RMI1: variants seen among roughly 807,000 people sequenced by gnomAD.
RMI1 encodes the protein RecQ mediated genome instability 1.
A neutral mutation model predicts 46.7 loss-of-function variants in RMI1; 36 were observed. The observed-to-expected ratio is 0.77, with a 90% CI of 0.59 to 1.02. RMI1 has a LOEUF of 1.02. Ranked by LOEUF, RMI1 falls within the 50% of genes least tolerant of loss-of-function variation. The pLI, the probability that RMI1 is intolerant of heterozygous loss-of-function variation, is 0.00. For missense variants in RMI1, 676 were observed against 713.7 expected, an observed-to-expected ratio of 0.95 and a Z score of 0.60; for synonymous variants, 250 against 252.9, an observed-to-expected ratio of 0.99 and a Z score of 0.11.
chr9:83,986,929 T>C (rs1230762796), intron 1 of RMI1, among the ~76,000 whole-genome samples: 2 of 152,210 alleles, frequency 1.3e-5, no homozygotes, highest in African/African-American at 4.8e-5. Flanking sequence ...GTCATCACAT[T>C]TTTACAACAC....
chr9:83,988,209 A>G (rs921455067), intron 1 of RMI1, among the ~76,000 whole-genome samples: 2 of 152,200 alleles, frequency 1.3e-5, no homozygotes, highest in Non-Finnish European at 2.9e-5. Context: ...ATGGATGTCA[A>G]AATTATTTAC....
rs1957735587 is a variant in RMI1, at chr9:84,001,467, C to A, written c.481C>A (p.Leu161Ile). The A allele has an allele frequency of 6.2e-7, 1 of 1,614,066 alleles. No individual in the cohort carries two copies. The highest frequency in any genetic ancestry group is 8.5e-7 in the Non-Finnish European group (1 of 1,179,982). The change falls in exon 3 of 3, where the codon CTT becomes ATT. Residue 161 changes from leucine to isoleucine, a missense_variant. Transcript: ENST00000445877. The stretch of plus-strand genomic sequence containing the variant: ...GCCTATTCCAATTCTTCATAGTGAT[C>A]TTCCTCCAGGTACAAAAATTTTGAT... ...YQPIPILHSD[L>I]PPGTKILIYG...
At chr9:83,995,293 C>CT (rs5898839) in intron 1 of RMI1, among the ~76,000 whole-genome samples, 76,382 of 151,862 alleles carry the variant, frequency 0.5, 19,447 homozygotes, top group Admixed American at 0.6. Flanking sequence ...GCCACTGCCC[C>CT]GGCCTCAACC....
chr9:84,001,006 C>A lies in RMI1; in HGVS notation c.20C>A (p.Ala7Glu). 6.2e-7 allele frequency: 1 copy of A among 1,608,912 alleles called. No homozygotes were observed. Among genetic ancestry groups the A allele is most frequent in the Non-Finnish European group, 8.5e-7 (1 of 1,177,674 alleles). The part of the protein sequence containing the change: MNVTSI[A>E]LRAETWLLAA... The stretch of plus-strand genomic sequence containing the variant: ...AAAGAAATGAATGTGACTAGTATTG[C>A]ATTAAGAGCTGAAACTTGGCTTTTA... The change falls in exon 3 of 3, where the codon GCA becomes GAA. Residue 7 changes from alanine to glutamate, a missense_variant. Transcript: ENST00000445877.
At chr9:83,987,833 A>G (rs1190131643) in intron 1 of RMI1, among the ~76,000 whole-genome samples, 1 of 151,876 alleles carries the variant, frequency 6.6e-6, no homozygotes, top group African/African-American at 2.4e-5. Context: ...ATAGTATTCC[A>G]TTGTATGGAT....
chr9:83,980,383 G>T (rs992305981), upstream of RMI1: 1 of 152,728 alleles, frequency 6.5e-6, no homozygotes, highest in Admixed American at 6.5e-5. Flanking sequence ...CCTCCCTTCG[G>T]GCTGGGAGGC....
intron 1 of RMI1, among the ~76,000 whole-genome samples, chr9:83,981,648 A>G (rs1957399929): frequency 6.6e-6 from 1 of 152,192 alleles, no homozygotes; most frequent in African/African-American, 2.4e-5. Context: ...CTCCGCCCAC[A>G]ATCCCAAACT....
Position 84,001,803 on chromosome 9 carries a change from A to G in RMI1, c.817A>G (p.Ser273Gly). ...TSSERCFTTG[S>G]SSNTIPTRQS... ...CTCAGAACGATGTTTCACCACAGGT[A>G]GTTCCTCAAATACCATTCCCACAAG... The change falls in exon 3 of 3, where the codon AGT becomes GGT. Residue 273 changes from serine to glycine, a missense_variant. By Grantham distance (56) the Ser-to-Gly change is moderately conservative (BLOSUM62 0). Transcript: ENST00000445877. 1 of 1,614,094 alleles carries G rather than the reference A, an allele frequency of 6.2e-7. No individual in the cohort carries two copies. The highest frequency in any genetic ancestry group is 8.5e-7 in the Non-Finnish European group (1 of 1,179,950).
At chr9:83,985,819 T>C (rs1246026755) in intron 1 of RMI1, among the ~76,000 whole-genome samples, 3 of 152,048 alleles carry the variant, frequency 2.0e-5, no homozygotes, top group Non-Finnish European at 4.4e-5. Context: ...CCATCCTGGC[T>C]AACACGGGGA....
In RMI1 at chr9:84,001,078, T is replaced by C; in HGVS notation, c.92T>C (p.Ile31Thr). The C allele has an allele frequency of 6.2e-7, 1 of 1,614,104 alleles. No individual in the cohort carries two copies. Among genetic ancestry groups the C allele is most frequent in the Non-Finnish European group, 8.5e-7 (1 of 1,179,972 alleles). ...KVPPMWLEAC[I>T]NWIQEENNNV... ...CCTCCGATGTGGCTGGAAGCTTGTATTAACTGGATTCAAGAAGAAAATAAT... is the reference window on the plus strand; with the variant it reads ...CCTCCGATGTGGCTGGAAGCTTGTACTAACTGGATTCAAGAAGAAAATAAT... The change falls in exon 3 of 3, where the codon ATT becomes ACT. Residue 31 changes from isoleucine (I) to threonine (T), a missense_variant. Coordinates refer to ENST00000445877, the MANE Select transcript of RMI1 (RefSeq NM_001358291.2).
At chr9:83,997,546 C>T (rs1398130328) in intron 1 of RMI1, among the ~76,000 whole-genome samples, 1 of 152,102 alleles carries the variant, frequency 6.6e-6, no homozygotes, top group Non-Finnish European at 1.5e-5. Context: ...GAGGGCTCCG[C>T]ACCCACTGGG....
intron 1 of RMI1, 97 bp from the exon 2 acceptor site, chr9:83,999,612 A>G (rs764238934): frequency 6.6e-6 from 1 of 152,180 alleles, no homozygotes; most frequent in South Asian, 2.1e-4. Context: ...TCTGATCCCC[A>G]TGAACCATAC....
chr9:84,001,722 G>A lies in RMI1; in HGVS notation c.736G>A (p.Glu246Lys). The A allele has an allele frequency of 6.2e-7, 1 of 1,613,928 alleles. No individual in the cohort carries two copies. The highest frequency in any genetic ancestry group is 8.5e-7 in the Non-Finnish European group (1 of 1,179,970). The change falls in exon 3 of 3, where the codon GAA becomes AAA. Residue 246 changes from glutamate (E) to lysine (K), a missense_variant. Transcript: ENST00000445877. Reference protein sequence around the residue: ...LDPALGPSDEELLASLDENDE... With the variant: ...LDPALGPSDEKLLASLDENDE... ...TCCTGCATTAGGTCCTTCTGATGAA[G>A]AACTCTTGGCAAGTCTTGATGAAAA...
At chr9:83,992,419 G>A (rs1414424822) in intron 1 of RMI1, among the ~76,000 whole-genome samples, 1 of 151,800 alleles carries the variant, frequency 6.6e-6, no homozygotes, top group Non-Finnish European at 1.5e-5. Flanking sequence ...ACACTAGGTA[G>A]CACTTGAGCA....
At chr9:83,986,258 T>G (rs753259982) in intron 1 of RMI1, among the ~76,000 whole-genome samples, 18 of 152,350 alleles carry the variant, frequency 1.2e-4, no homozygotes, top group Non-Finnish European at 2.4e-4. Flanking sequence ...TTTTCTTTCA[T>G]TTGATTTTGT....
At chr9:83,993,964 T>G (rs1268279942) in intron 1 of RMI1, among the ~76,000 whole-genome samples, 2 of 115,272 alleles carry the variant, frequency 1.7e-5, no homozygotes, top group African/African-American at 6.2e-5. Flanking sequence ...TTTTTTTTTT[T>G]GTAGAGATGG....
At chr9:83,981,182 G>A (rs1957380857) in intron 1 of RMI1, among the ~76,000 whole-genome samples, 1 of 152,248 alleles carries the variant, frequency 6.6e-6, no homozygotes, top group African/African-American at 2.4e-5. Flanking sequence ...GGGAGTACTG[G>A]AGAACTTCTC....
chr9:83,984,761 C>T (rs1178138129), intron 1 of RMI1, among the ~76,000 whole-genome samples: 1 of 152,046 alleles, frequency 6.6e-6, no homozygotes, highest in Admixed American at 6.6e-5. Flanking sequence ...ACGGGCTTCT[C>T]CATGTTGGTC....
intron 1 of RMI1, among the ~76,000 whole-genome samples, chr9:83,985,411 G>T (rs1281479112): frequency 6.6e-6 from 1 of 152,180 alleles, no homozygotes; most frequent in Non-Finnish European, 1.5e-5. Context: ...AAATATTTGA[G>T]AATAGTTGTA....
Sources: gnomAD v4.1 joint callset for allele counts (sites outside exome capture counted in the v4.1 genomes callset) on GRCh38, gnomAD v4.1.1 for gene constraint, MANE v1.5 for transcripts, NCBI Gene and HGNC (gene_info 2026-07-23, HGNC 2026-07-21) for gene names.